TAMM41: variants seen among roughly 807,000 people sequenced by gnomAD.
TAMM41 encodes phosphatidate cytidylyltransferase, mitochondrial.
Under a neutral mutation model 44.1 loss-of-function variants are expected in TAMM41, and 36 were observed. The observed-to-expected ratio is 0.82, with a 90% CI of 0.63 to 1.08. The LOEUF (loss-of-function observed/expected upper bound fraction) is 1.08. TAMM41 is among the 50% of genes least tolerant of loss of function. TAMM41 has a pLI of 0.00. For synonymous variants in TAMM41, 164 were observed against 153.1 expected (o/e 1.07, Z -0.53); for missense variants, 417 against 404.3 (o/e 1.03, Z -0.27).
chr3:11,845,252 G>A (rs758298701), intron 1 of TAMM41, among the ~76,000 whole-genome samples: 10 of 152,202 alleles, frequency 6.6e-5, no homozygotes, highest in Non-Finnish European at 1.5e-4. Context: ...TTCCAGGGGA[G>A]AAATGAAATT....
chr3:11,767,352 A>G, the TAMM41 span, among the ~76,000 whole-genome samples: 1 of 152,116 alleles, frequency 6.6e-6, no homozygotes, highest in African/African-American at 2.4e-5. Context: ...TACAGGCGTG[A>G]GTCACCAGGT....
At position 11,812,242 on chromosome 3, in the gene TAMM41, G is replaced by A. The variant is rs116001513; in HGVS notation, c.709-2560C>T. On this transcript the variant is annotated intron_variant, in intron 5 of 7. Coordinates refer to ENST00000455809, the MANE Select transcript of TAMM41 (RefSeq NM_001284401.2). Reference sequence around the variant, plus strand: ...CCATTCTCTCCCCCTGGCCAAAAGAGTAAAGAAAAAATAAAACCATATCCC... The same window carrying A: ...CCATTCTCTCCCCCTGGCCAAAAGAATAAAGAAAAAATAAAACCATATCCC... Among the ~76,000 whole-genome samples the A allele has an allele frequency of 5.5e-3, 840 of 152,142 alleles. 7 individuals are homozygous for A. The highest frequency in any genetic ancestry group is 0.019 in the African/African-American group (801 of 41,518).
At chr3:11,736,201 A>C in the TAMM41 span, among the ~76,000 whole-genome samples, 1 of 152,224 alleles carries the variant, frequency 6.6e-6, no homozygotes, top group Non-Finnish European at 1.5e-5. Flanking sequence ...TGTGGAGTAC[A>C]GAATACACCA....
At chr3:11,820,993 T>C (rs2078497723) in intron 4 of TAMM41, among the ~76,000 whole-genome samples, 1 of 152,228 alleles carries the variant, frequency 6.6e-6, no homozygotes, top group East Asian at 1.9e-4. Flanking sequence ...CTTTCAAGTC[T>C]GGCAATGTCC....
chr3:11,839,891 T>A (rs1314553837), intron 2 of TAMM41, among the ~76,000 whole-genome samples: 1 of 152,158 alleles, frequency 6.6e-6, no homozygotes, highest in Non-Finnish European at 1.5e-5. Context: ...GTTCTCCAAT[T>A]AATCCTATAG....
At chr3:11,781,755 A>AATG in the TAMM41 span, among the ~76,000 whole-genome samples, 1 of 117,398 alleles carries the variant, frequency 8.5e-6, no homozygotes, top group Non-Finnish European at 1.7e-5. Context: ...TAATAATAAT[A>AATG]ATAATAATAA....
chr3:11,727,888 G>A, the TAMM41 span, among the ~76,000 whole-genome samples: 2 of 151,138 alleles, frequency 1.3e-5, no homozygotes, highest in Non-Finnish European at 2.9e-5. Context: ...CCGGGTTCAA[G>A]TGATTCTCCT....
the TAMM41 span, among the ~76,000 whole-genome samples, chr3:11,749,829 A>G: frequency 6.6e-6 from 1 of 151,816 alleles, no homozygotes; most frequent in African/African-American, 2.4e-5. Flanking sequence ...CCATTTGGAT[A>G]CCGGAAATCT....
chr3:11,794,344 C>T (rs1361896038), intron 7 of TAMM41, among the ~76,000 whole-genome samples: 1 of 151,906 alleles, frequency 6.6e-6, no homozygotes, highest in African/African-American at 2.4e-5. Flanking sequence ...TGCTTTGTTG[C>T]CCAGGCTGGT....
intron 4 of TAMM41, among the ~76,000 whole-genome samples, chr3:11,823,679 T>TA (rs1486163821): frequency 6.8e-6 from 1 of 147,472 alleles, no homozygotes; most frequent in Non-Finnish European, 1.5e-5. Context: ...TTTTTTTTTT[T>TA]AGACAGAGTC....
chr3:11,823,282 G>C (rs561083569), intron 4 of TAMM41, among the ~76,000 whole-genome samples: 5 of 141,312 alleles, frequency 3.5e-5, no homozygotes, highest in African/African-American at 7.9e-5. Flanking sequence ...TTGAGACAGA[G>C]TCCTGCTCTG....
chr3:11,759,413 G>A, the TAMM41 span, among the ~76,000 whole-genome samples: 23,394 of 151,620 alleles, frequency 0.15, 1,935 homozygotes, highest in South Asian at 0.19. Flanking sequence ...TACGGTGGAA[G>A]GGGCATTGGG....
intron 3 of TAMM41, among the ~76,000 whole-genome samples, chr3:11,831,268 G>C (rs779682632): frequency 7.2e-5 from 11 of 152,138 alleles, no homozygotes; most frequent in Non-Finnish European, 1.3e-4. Flanking sequence ...GGTGAGGGCT[G>C]AAAAATGTAC....
the TAMM41 span, among the ~76,000 whole-genome samples, chr3:11,762,128 T>G: frequency 6.6e-6 from 1 of 152,080 alleles, no homozygotes; most frequent in South Asian, 2.1e-4. Context: ...TGCAGGCCCA[T>G]TCGTCACTCA....
chr3:11,804,931 C>T (rs2077856320), intron 7 of TAMM41, among the ~76,000 whole-genome samples: 1 of 145,392 alleles, frequency 6.9e-6, no homozygotes, highest in African/African-American at 2.5e-5. Flanking sequence ...GTGGTGCGTT[C>T]TTAGCTCAAT....
At chr3:11,779,899 C>T in the TAMM41 span, among the ~76,000 whole-genome samples, 3 of 152,196 alleles carry the variant, frequency 2.0e-5, no homozygotes, top group Admixed American at 6.5e-5. Context: ...GCATACCATT[C>T]TCCCATTTGT....
intron 3 of TAMM41, among the ~76,000 whole-genome samples, chr3:11,833,350 C>T (rs141933977): frequency 1.3e-5 from 2 of 152,160 alleles, no homozygotes; most frequent in African/African-American, 4.8e-5. Context: ...AAAAGAGAAA[C>T]TCACATGTGG....
chr3:11,840,933 T>C (rs2079408016), intron 2 of TAMM41, among the ~76,000 whole-genome samples: 1 of 152,102 alleles, frequency 6.6e-6, no homozygotes, highest in African/African-American at 2.4e-5. Flanking sequence ...TAATTAGAAG[T>C]TTTCACTGAC....
chr3:11,801,967 T>A (rs1216185027), intron 7 of TAMM41, among the ~76,000 whole-genome samples: 1 of 152,136 alleles, frequency 6.6e-6, no homozygotes, highest in Non-Finnish European at 1.5e-5. Context: ...ATGCCTGTAA[T>A]CCCTGCACTT....
Sources: gnomAD v4.1 joint callset for allele counts (sites outside exome capture counted in the v4.1 genomes callset) on GRCh38, gnomAD v4.1.1 for gene constraint, MANE v1.5 for transcripts, NCBI Gene and HGNC (gene_info 2026-07-23, HGNC 2026-07-21) for gene names.